Variants in ATP6V1C2 observed in about 807,000 individuals in gnomAD.
ATP6V1C2 encodes ATPase H+ transporting V1 subunit C2.
ATP6V1C2 carries 45 observed loss-of-function variants against 56.8 expected under a neutral mutation model. The observed-to-expected ratio is 0.79, with a 90% CI of 0.62 to 1.02. ATP6V1C2 has a LOEUF of 1.02. Among genes scored for constraint, ATP6V1C2 ranks in the 50% least tolerant of loss-of-function variants. The probability of loss-of-function intolerance (pLI) is 0.00; values close to 1 mark genes in which losing one functional copy is unlikely to be tolerated. For missense variants in ATP6V1C2, 463 were observed against 519.7 expected, an observed-to-expected ratio of 0.89 and a Z score of 1.06; for synonymous variants, 220 against 201.3, an observed-to-expected ratio of 1.09 and a Z score of -0.79.
At chr2:10,762,316 T>A (rs1188410375) in intron 4 of ATP6V1C2, among the ~76,000 whole-genome samples, 3 of 152,036 alleles carry the variant, frequency 2.0e-5, no homozygotes, top group African/African-American at 7.3e-5. Flanking sequence ...CAGCTAATTC[T>A]TACATTTTTA....
At chr2:10,778,690 G>C in intron 12 of ATP6V1C2, 21 bp downstream of exon 12, 1 of 1,612,276 alleles carries the variant, frequency 6.2e-7, no homozygotes, top group Non-Finnish European at 8.5e-7. Context: ...GTGATGCCCC[G>C]GCTGGGACTG....
chr2:10,760,586 T>A (rs965653619), intron 4 of ATP6V1C2, among the ~76,000 whole-genome samples: 1 of 152,184 alleles, frequency 6.6e-6, no homozygotes, highest in Admixed American at 6.5e-5. Context: ...CAGGGAGACA[T>A]AATCTCAGAC....
intron 12 of ATP6V1C2, 95 bp downstream of exon 12, chr2:10,778,764 C>A: frequency 8.6e-7 from 1 of 1,162,138 alleles, no homozygotes; most frequent in Admixed American, 1.8e-5. Context: ...TTCTCTCCAT[C>A]CTCCACCCGT....
intron 3 of ATP6V1C2, among the ~76,000 whole-genome samples, chr2:10,753,601 G>A (rs544866348): frequency 2.0e-5 from 3 of 150,264 alleles, no homozygotes; most frequent in East Asian, 3.9e-4. Context: ...GTGCAATCTC[G>A]GCTCACTGCA....
chr2:10,764,646 A>G (rs1490806886), intron 5 of ATP6V1C2, among the ~76,000 whole-genome samples: 1 of 152,218 alleles, frequency 6.6e-6, no homozygotes, highest in Non-Finnish European at 1.5e-5. Context: ...CCCAGCACCC[A>G]TTCACTTGCT....
At chr2:10,748,539 T>C (rs1432034189) in intron 3 of ATP6V1C2, among the ~76,000 whole-genome samples, 1 of 152,114 alleles carries the variant, frequency 6.6e-6, no homozygotes, top group African/African-American at 2.4e-5. Flanking sequence ...GTAACCAACA[T>C]CCCAATCAAG....
intron 3 of ATP6V1C2, among the ~76,000 whole-genome samples, chr2:10,740,847 C>A (rs983514309): frequency 6.6e-6 from 1 of 152,084 alleles, no homozygotes; most frequent in East Asian, 1.9e-4. Context: ...CCACCAGGCC[C>A]GGCTAATTTT....
chr2:10,783,174 G>C lies in ATP6V1C2; in HGVS notation c.1195G>C (p.Ala399Pro), dbSNP rs1487619553. 3 of 1,610,456 alleles carry C rather than the reference G, an allele frequency of 1.9e-6. No homozygotes were observed. Among genetic ancestry groups the C allele is most frequent in the African/African-American group, 2.7e-5 (2 of 74,828 alleles). ...DEVAATSILD[A>P]SVEIPGLQLN... ...AGCATTACCATGTCTTCTTTTGTAGGCATCTGTGGAGATCCCGGGACTGCA... is the reference window on the plus strand; with the variant it reads ...AGCATTACCATGTCTTCTTTTGTAGCCATCTGTGGAGATCCCGGGACTGCA... Residue 399 changes from alanine to proline, a missense_variant and splice_region_variant, in exon 14 of 14, where the codon GCA becomes CCA. Physicochemically the swap from Ala to Pro is conservative, Grantham distance 27. Coordinates refer to ENST00000272238, the MANE Select transcript of ATP6V1C2 (RefSeq NM_001039362.2).
intron 4 of ATP6V1C2, among the ~76,000 whole-genome samples, chr2:10,754,406 A>G (rs1041869254): frequency 1.3e-5 from 2 of 150,966 alleles, no homozygotes; most frequent in African/African-American, 4.9e-5. Context: ...TTGTATTTTT[A>G]GTAGAGATGG....
intron 3 of ATP6V1C2, among the ~76,000 whole-genome samples, chr2:10,733,370 C>T (rs1386096329): frequency 2.6e-5 from 4 of 152,156 alleles, no homozygotes; most frequent in African/African-American, 9.7e-5. Flanking sequence ...GGGTCTGTAA[C>T]CTCGGTAGCA....
In ATP6V1C2 at chr2:10,774,788, A is replaced by G; in HGVS notation, c.639A>G (p.Lys213=). 4 of 1,613,572 alleles carry G rather than the reference A, an allele frequency of 2.5e-6. No homozygotes were observed. The highest frequency in any genetic ancestry group is 3.4e-6 in the Non-Finnish European group (4 of 1,179,604). The change falls in exon 9 of 14, where the codon AAA becomes AAG. Residue 213 remains lysine, a splice_region_variant and synonymous_variant. Transcript: ENST00000272238. The part of the protein sequence containing the change: ...LSDMVVPRST[K]LITEDKEGGL... ...GCCAACAGATGCTTCTCTCCAACAG[A>G]CTCATTACTGAGGACAAGGAAGGGG...
chr2:10,762,734 C>T lies in ATP6V1C2; in HGVS notation c.284-1597C>T, dbSNP rs77989188. Among the ~76,000 whole-genome samples the T allele has an allele frequency of 5.8e-4, 89 of 152,222 alleles. 3 individuals are homozygous for T. In the East Asian group the frequency reaches 0.016, roughly 28 times the overall value. ...CCCTCCCACCTCCATGGCTGCCCGGCTTAGAGCACTTCCCTCCCTCCACCC... is the reference window on the plus strand; with the variant it reads ...CCCTCCCACCTCCATGGCTGCCCGGTTTAGAGCACTTCCCTCCCTCCACCC... On this transcript the variant is annotated intron_variant, in intron 4 of 13. Transcript: ENST00000272238.
chr2:10,762,034 T>G (rs1185590135), intron 4 of ATP6V1C2, among the ~76,000 whole-genome samples: 2 of 152,252 alleles, frequency 1.3e-5, no homozygotes, highest in Non-Finnish European at 2.9e-5. Context: ...CGTTAGGTGC[T>G]TCACGCCTTA....
At chr2:10,755,381 A>G (rs1663494019) in intron 4 of ATP6V1C2, among the ~76,000 whole-genome samples, 1 of 150,778 alleles carries the variant, frequency 6.6e-6, no homozygotes, top group South Asian at 2.1e-4. Context: ...GGGGTCTCGC[A>G]ATGTCGCCCA....
At position 10,764,848 on chromosome 2, in the gene ATP6V1C2, G is replaced by A. The variant is rs116453536; in HGVS notation, c.378+423G>A. On this transcript the variant is annotated intron_variant, in intron 5 of 13. Transcript: ENST00000272238. ...TAGCCAGGCGTGGTGGCGCACACCT[G>A]TAGTCCTTGCTGCTCGGGAGGTTGA... Among the ~76,000 whole-genome samples, 1,191 of 152,238 alleles carry A rather than the reference G, an allele frequency of 7.8e-3. 4 individuals carry two copies. The highest frequency in any genetic ancestry group is 0.014 in the Middle Eastern group (4 of 294).
chr2:10,722,861 T>G lies in ATP6V1C2; in HGVS notation c.12T>G (p.Phe4Leu). Reference sequence around the variant, plus strand: ...AGAAGACTGGAAGCATGTCGGAGTTTTGGTTAATTTCTGCCCCTGGCGATA... The same window carrying G: ...AGAAGACTGGAAGCATGTCGGAGTTGTGGTTAATTTCTGCCCCTGGCGATA... MSEFWLISAPGDKE... is the reference protein window; with the variant it reads MSELWLISAPGDKE... Residue 4 changes from phenylalanine (F) to leucine (L), a missense_variant, in exon 2 of 14, where the codon TTT becomes TTG. Transcript: ENST00000272238. 1 of 1,613,962 alleles carries G rather than the reference T, an allele frequency of 6.2e-7. No individual in the cohort carries two copies. The highest frequency in any genetic ancestry group is 8.5e-7 in the Non-Finnish European group (1 of 1,179,974).
intron 3 of ATP6V1C2, among the ~76,000 whole-genome samples, chr2:10,742,248 C>T (rs1013978097): frequency 6.6e-6 from 1 of 152,076 alleles, no homozygotes; most frequent in Admixed American, 6.5e-5. Flanking sequence ...CTCTATCCTG[C>T]GTTTGCTAGA....
chr2:10,733,120 G>A (rs150653959), intron 3 of ATP6V1C2, among the ~76,000 whole-genome samples: 211 of 152,244 alleles, frequency 1.4e-3, no homozygotes, highest in East Asian at 2.5e-3. Context: ...CATTGTTTTC[G>A]TTTTCCTTGT....
intron 3 of ATP6V1C2, among the ~76,000 whole-genome samples, chr2:10,742,646 A>G (rs1225279912): frequency 6.6e-6 from 1 of 152,108 alleles, no homozygotes; most frequent in Non-Finnish European, 1.5e-5. Flanking sequence ...GTGCGGAAGA[A>G]GAGGAGACAG....
Sources: allele counts gnomAD v4.1 joint callset (sites outside exome capture counted in the v4.1 genomes callset), GRCh38; gene constraint gnomAD v4.1.1; transcripts MANE v1.5; gene names NCBI Gene and HGNC (gene_info 2026-07-23, HGNC 2026-07-21).